The following PRKCI variants were observed in gnomAD, a reference collection of about 807,000 sequenced individuals.
PRKCI encodes the protein protein kinase C iota, also known as protein kinase C iota type.
A neutral mutation model predicts 84.0 loss-of-function variants in PRKCI; 43 were observed. The observed-to-expected ratio is 0.51, with a 90% CI of 0.40 to 0.66. PRKCI has a LOEUF of 0.66. Among genes scored for constraint, PRKCI ranks in the 30% least tolerant of loss-of-function variants. The pLI is 0.00. For synonymous variants in PRKCI, 216 were observed against 234.4 expected (o/e 0.92, Z 0.72); for missense variants, 459 against 745.6 (o/e 0.62, Z 4.48).
At chr3:170,244,706 G>A (rs1307302803) in intron 2 of PRKCI, 1 of 152,052 alleles carries the variant, frequency 6.6e-6, no homozygotes, top group Non-Finnish European at 1.5e-5. Flanking sequence ...ACATGTACAC[G>A]GGGGAACCAC....
chr3:170,276,936 AC>A (rs1205166026), intron 8 of PRKCI, among the ~76,000 whole-genome samples: 1 of 151,902 alleles, frequency 6.6e-6, no homozygotes, highest in Non-Finnish European at 1.5e-5. Flanking sequence ...GCAAAAAACA[AC>A]CCCATTAAAA....
chr3:170,235,479 T>C, intron 2 of PRKCI, 128 bp downstream of exon 2: 2 of 1,058,176 alleles, frequency 1.9e-6, no homozygotes, highest in East Asian at 2.6e-5. Context: ...GCCATTCTTG[T>C]TTTTTCTTTA....
At chr3:170,247,730 C>CAAAAAAAAAAAAA (rs72411481) in intron 2 of PRKCI, among the ~76,000 whole-genome samples, 1 of 27,896 alleles carries the variant, frequency 3.6e-5, no homozygotes, top group African/African-American at 1.4e-4. Flanking sequence ...AACTCTGTCT[C>CAAAAAAAAAAAAA]AAAAAAAAAA....
intron 3 of PRKCI, 102 bp downstream of exon 3, chr3:170,260,160 A>G: frequency 1.3e-6 from 1 of 751,746 alleles, no homozygotes; most frequent in Non-Finnish European, 2.1e-6. Flanking sequence ...TCATTTTCTC[A>G]ATCTCTGTGA....
chr3:170,294,455 AC>A (rs1243583127), intron 14 of PRKCI, among the ~76,000 whole-genome samples: 2 of 152,252 alleles, frequency 1.3e-5, no homozygotes, highest in Admixed American at 6.5e-5. Flanking sequence ...AAGGGAATGC[AC>A]ATTAAATGTT....
At chr3:170,274,636 A>G (rs1327632341) in intron 7 of PRKCI, among the ~76,000 whole-genome samples, 1 of 152,224 alleles carries the variant, frequency 6.6e-6, no homozygotes, top group Non-Finnish European at 1.5e-5. Context: ...TAAATCAAGA[A>G]AGGGAAAACA....
chr3:170,260,070 G>A lies in PRKCI; in HGVS notation c.313+12G>A. 1 of 1,541,638 alleles carries A rather than the reference G, an allele frequency of 6.5e-7. No homozygotes were observed. Among genetic ancestry groups the A allele is most frequent in the Non-Finnish European group, 8.9e-7 (1 of 1,118,866 alleles). ...ACTCTTGATTCATGGTAAGAGAGTA[G>A]TCATTTCATACTCGTCCAGACTGAT... On this transcript the variant is annotated intron_variant, in intron 3 of 17. Transcript: ENST00000295797.
intron 2 of PRKCI, among the ~76,000 whole-genome samples, chr3:170,247,045 G>C (rs569858264): frequency 7.0e-6 from 1 of 142,360 alleles, no homozygotes. Flanking sequence ...TGTATGTGAA[G>C]CATCTCTTTG....
At position 170,288,241 on chromosome 3, in the gene PRKCI, G is replaced by A. The variant is rs576924923; in HGVS notation, c.1204-3613G>A. Among the ~76,000 whole-genome samples, 222 of 149,226 alleles carry A rather than the reference G, an allele frequency of 1.5e-3. 2 individuals carry two copies. Among genetic ancestry groups the A allele is most frequent in the African/African-American group, 4.6e-3 (189 of 40,658 alleles). ...AGCCTGGGCAACAGAGTGAGACTAC[G>A]TCTCAAAAAAAAAAAAAGGACTTTT... On this transcript the variant is annotated intron_variant, in intron 12 of 17. Coordinates refer to ENST00000295797, the MANE Select transcript of PRKCI (RefSeq NM_002740.6).
In PRKCI at chr3:170,267,951, A is replaced by G; in HGVS notation, c.401A>G (p.Lys134Arg). ...CGTAGAGGTGCACGCCGCTGGAGAAAGCTTTATTGTGCCAATGGCCACACT... is the reference window on the plus strand; with the variant it reads ...CGTAGAGGTGCACGCCGCTGGAGAAGGCTTTATTGTGCCAATGGCCACACT... ...IYRRGARRWR[K>R]LYCANGHTFQ... Residue 134 changes from lysine (K) to arginine (R), a missense_variant, in exon 5 of 18, where the codon AAG becomes AGG. Coordinates refer to ENST00000295797, the MANE Select transcript of PRKCI (RefSeq NM_002740.6). 2 of 1,612,986 alleles carry G rather than the reference A, an allele frequency of 1.2e-6. No individual in the cohort carries two copies. The highest frequency in any genetic ancestry group is 1.7e-6 in the Non-Finnish European group (2 of 1,179,588).
intron 4 of PRKCI, among the ~76,000 whole-genome samples, chr3:170,265,141 G>A (rs1297491909): frequency 6.6e-6 from 1 of 151,324 alleles, no homozygotes; most frequent in African/African-American, 2.4e-5. Flanking sequence ...GTGAGCTGAG[G>A]TCGCGCCAGT....
intron 1 of PRKCI, among the ~76,000 whole-genome samples, chr3:170,230,679 G>T (rs1732763928): frequency 6.6e-6 from 1 of 152,040 alleles, no homozygotes; most frequent in South Asian, 2.1e-4. Flanking sequence ...CTGGTATTTT[G>T]GGGTTTAGTC....
rs1733970407 is a variant in PRKCI, at chr3:170,270,415, T to C, written c.451-6T>C. ...TAATAAAATATTGTTGAATTACTCT[T>C]TTCAGCGTGCTCACTGTGCCATCTG... On this transcript the variant is annotated splice_polypyrimidine_tract_variant and splice_region_variant and intron_variant, in intron 5 of 17. Transcript: ENST00000295797. 6.3e-7 allele frequency: 1 copy of C among 1,594,112 alleles called. No homozygotes were observed. The highest frequency in any genetic ancestry group is 8.6e-7 in the Non-Finnish European group (1 of 1,168,122).
chr3:170,265,717 C>A (rs1283209599), intron 4 of PRKCI, among the ~76,000 whole-genome samples: 11 of 151,492 alleles, frequency 7.3e-5, no homozygotes, highest in Non-Finnish European at 7.4e-5. Context: ...TGGGTTCATG[C>A]CATTCAGCCT....
rs530031272 is a variant in PRKCI at position 170,267,853 on chromosome 3, A to G, written c.365-62A>G. ...TCATGAAAAAATTACAGACTTAATT[A>G]TAAAATGATTTTTACTCAAACTTGC... On this transcript the variant is annotated intron_variant, in intron 4 of 17. Coordinates refer to ENST00000295797, the MANE Select transcript of PRKCI (RefSeq NM_002740.6). 1.3e-5 allele frequency: 17 copies of G among 1,268,276 alleles called. No homozygotes were observed. The East Asian group carries it at 3.5e-4, about 26-fold the overall frequency. 78.6% of individuals were successfully genotyped at this position (1,268,276 alleles called of 1,614,324 possible). A position where few individuals can be genotyped will look rare whatever the true frequency, so the allele number is the denominator to read the frequency against.
chr3:170,234,850 T>C (rs962100706), intron 1 of PRKCI, among the ~76,000 whole-genome samples: 9 of 152,222 alleles, frequency 5.9e-5, no homozygotes, highest in Non-Finnish European at 1.3e-4. Context: ...TTGCCCAGGC[T>C]GGAGTGCAGT....
At chr3:170,270,729 G>A (rs1733982213) in intron 6 of PRKCI, among the ~76,000 whole-genome samples, 168 bp downstream of exon 6, 1 of 152,070 alleles carries the variant, frequency 6.6e-6, no homozygotes, top group South Asian at 2.1e-4. Flanking sequence ...CGTGAACTTT[G>A]GAACTTCGAA....
At chr3:170,299,943 T>G (rs918189576) in intron 17 of PRKCI, among the ~76,000 whole-genome samples, 1 of 152,210 alleles carries the variant, frequency 6.6e-6, no homozygotes, top group African/African-American at 2.4e-5. Context: ...GAAATTACAT[T>G]GAGTTATTAA....
intron 16 of PRKCI, 135 bp downstream of exon 16, chr3:170,297,528 C>T (rs1553846028): frequency 1.6e-5 from 11 of 677,822 alleles, no homozygotes; most frequent in East Asian, 8.5e-5. Flanking sequence ...GATCTCAGCT[C>T]ACTGCAACCT....
Sources: allele counts gnomAD v4.1 joint callset (sites outside exome capture counted in the v4.1 genomes callset), GRCh38; gene constraint gnomAD v4.1.1; transcripts MANE v1.5; gene names NCBI Gene and HGNC (gene_info 2026-07-23, HGNC 2026-07-21).